Variants in OXNAD1 observed in about 807,000 individuals in gnomAD.
OXNAD1 encodes oxidoreductase NAD-binding domain-containing protein 1.
A neutral mutation model predicts 32.9 loss-of-function variants in OXNAD1; 34 were observed. That is an observed-to-expected ratio of 1.03 (90% CI 0.79 to 1.38). The LOEUF is 1.38. Ranked by LOEUF, OXNAD1 falls within the 40% of genes most tolerant of loss-of-function variation. The pLI is 0.00. For synonymous variants in OXNAD1, 134 were observed against 135.2 expected (o/e 0.99, Z 0.06); for missense variants, 407 against 379.4 (o/e 1.07, Z -0.60).
chr3:16,278,103 A>G (rs1324041931), intron 4 of OXNAD1, among the ~76,000 whole-genome samples: 1 of 152,152 alleles, frequency 6.6e-6, no homozygotes, highest in Non-Finnish European at 1.5e-5. Flanking sequence ...AGAATTTCTT[A>G]AATTACTAAT....
chr3:16,346,286 T>G lies in OXNAD1; in HGVS notation c.*31-2890T>G, dbSNP rs564860451. The G allele has an allele frequency of 5.9e-5, 9 of 152,364 alleles. No homozygotes were observed. The East Asian group carries it at 7.7e-4, about 13-fold the overall frequency. The allele number at this position is 152,364 out of a possible 1,614,324, so 9.4% of individuals were successfully genotyped here. A position where few individuals can be genotyped will look rare whatever the true frequency, so the allele number is the denominator to read the frequency against. ...ACAGTGGCTGACACACAGTAGGAAC[T>G]CAATATTTATTTGTTGGATAAATTT... On this transcript the variant is annotated intron_variant, in intron 9 of 9. Coordinates refer to the OXNAD1 transcript ENST00000606098. The surrounding 1 kb of genome is among the most constrained non-coding windows in gnomAD (Gnocchi z 4.4).
chr3:16,298,529 A>G lies in OXNAD1; in HGVS notation c.433-3097A>G, dbSNP rs115800901. Among the ~76,000 whole-genome samples, 230 of 152,254 alleles carry G rather than the reference A, an allele frequency of 1.5e-3. No individual in the cohort carries two copies. The highest frequency in any genetic ancestry group is 5.3e-3 in the African/African-American group (222 of 41,550). On this transcript the variant is annotated intron_variant, in intron 6 of 8. Coordinates refer to ENST00000285083, the MANE Select transcript of OXNAD1 (RefSeq NM_138381.5). The surrounding 1 kb of genome is among the most constrained non-coding windows in gnomAD (Gnocchi z 5.1). ...TCTACTCTGCCCAGTGGGAGTTGCA[A>G]ACAGCCTTTATGAAGTCAGATTTTT...
In OXNAD1 at chr3:16,302,012, C is replaced by A; in HGVS notation, c.675+144C>A. 2 of 1,047,030 alleles carry A rather than the reference C, an allele frequency of 1.9e-6. No homozygotes were observed. The highest frequency in any genetic ancestry group is 1.4e-6 in the Non-Finnish European group (1 of 739,114). 64.9% of individuals were successfully genotyped at this position (1,047,030 alleles called of 1,614,324 possible). A position where few individuals can be genotyped will look rare whatever the true frequency, so the allele number is the denominator to read the frequency against. ...TTAATCATGCTTAAATGAGAACTAA[C>A]CAACACACCTTACCCAAGACAAGTA... On this transcript the variant is annotated intron_variant, in intron 7 of 8. Transcript: ENST00000285083. This position sits in a 1 kb window ranked among gnomAD's most constrained non-coding sequence, Gnocchi z 4.2.
intron 9 of OXNAD1, among the ~76,000 whole-genome samples, chr3:16,325,742 G>A (rs1330869358): frequency 6.6e-6 from 1 of 152,194 alleles, no homozygotes; most frequent in Non-Finnish European, 1.5e-5. Context: ...GTGACCTAAT[G>A]TGGAATCTGA....
chr3:16,288,507 G>A lies in OXNAD1; in HGVS notation c.290+2059G>A, dbSNP rs1180630232. Reference sequence around the variant, plus strand: ...GTTGTCTGTGACTAGCTGGAGCTTTGGCCACAGATCCCCATGTAGACACCT... The same window carrying A: ...GTTGTCTGTGACTAGCTGGAGCTTTAGCCACAGATCCCCATGTAGACACCT... On this transcript the variant is annotated intron_variant, in intron 5 of 8. Coordinates refer to ENST00000285083, the MANE Select transcript of OXNAD1 (RefSeq NM_138381.5). This position sits in a 1 kb window ranked among gnomAD's most constrained non-coding sequence, Gnocchi z 5.1. Among the ~76,000 whole-genome samples the A allele has an allele frequency of 2.0e-5, 3 of 152,080 alleles. No individual in the cohort carries two copies. The highest frequency in any genetic ancestry group is 7.2e-5 in the African/African-American group (3 of 41,392).
intron 9 of OXNAD1, among the ~76,000 whole-genome samples, chr3:16,319,684 T>G (rs1332418275): frequency 3.3e-5 from 5 of 152,206 alleles, no homozygotes; most frequent in Non-Finnish European, 5.9e-5. Flanking sequence ...GAAGATCACA[T>G]CTTGTTGATC....
chr3:16,351,096 C>T (rs544363695), downstream of OXNAD1, among the ~76,000 whole-genome samples: 1 of 152,308 alleles, frequency 6.6e-6, no homozygotes, highest in Admixed American at 6.5e-5. This position sits in a 1 kb window ranked among gnomAD's most constrained non-coding sequence, Gnocchi z 5.4. Flanking sequence ...GACAGGGTTA[C>T]AGGCCAGAGT....
At chr3:16,347,193 G>GC (rs2071781164) in intron 9 of OXNAD1, among the ~76,000 whole-genome samples, 1 of 152,256 alleles carries the variant, frequency 6.6e-6, no homozygotes, top group South Asian at 2.1e-4. Context: ...CCAGGCCCTT[G>GC]CCTCACCCAC....
In OXNAD1 at chr3:16,345,920, T is replaced by A. The variant is rs1460364418; in HGVS notation, c.*31-3256T>A. On this transcript the variant is annotated intron_variant, in intron 9 of 9. Coordinates refer to the OXNAD1 transcript ENST00000606098. This position sits in a 1 kb window ranked among gnomAD's most constrained non-coding sequence, Gnocchi z 5.2. The stretch of plus-strand genomic sequence containing the variant: ...CCCTAATACACTTCTTTCTTGTTGT[T>A]CTGTGGCATACACTGAATATTTTAA... The A allele has an allele frequency of 1.3e-5, 2 of 152,136 alleles. No individual in the cohort carries two copies. The highest frequency in any genetic ancestry group is 2.4e-5 in the African/African-American group (1 of 41,426). 9.4% of individuals were successfully genotyped at this position (152,136 alleles called of 1,614,324 possible).
chr3:16,274,909 T>A (rs1559727665), intron 4 of OXNAD1, among the ~76,000 whole-genome samples: 1 of 152,264 alleles, frequency 6.6e-6, no homozygotes, highest in Non-Finnish European at 1.5e-5. Context: ...ATGAGCATTT[T>A]AAGAACAGGA....
chr3:16,324,770 T>A (rs2069528878), intron 9 of OXNAD1, among the ~76,000 whole-genome samples: 1 of 151,674 alleles, frequency 6.6e-6, no homozygotes. Flanking sequence ...TTGTGAATAA[T>A]GCTGCAAGGA....
rs2067156400 is a variant in OXNAD1, at chr3:16,301,174, TAC to T, written c.433-449_433-448del. ...AGGATCAAGAAGGAGCACCAGTACT[TAC>T]ACTTTTCAGCCTTGATGAACCCAGG... On this transcript the variant is annotated intron_variant, in intron 6 of 8. Transcript: ENST00000285083. This position sits in a 1 kb window ranked among gnomAD's most constrained non-coding sequence, Gnocchi z 4.1. 6.6e-6 allele frequency among the ~76,000 whole-genome samples: 1 copy of T among 152,214 alleles called. No homozygotes were observed. The highest frequency in any genetic ancestry group is 1.5e-5 in the Non-Finnish European group (1 of 68,038).
At chr3:16,326,764 T>TA in intron 9 of OXNAD1, 2 of 1,605,634 alleles carry the variant, frequency 1.2e-6, no homozygotes, top group Non-Finnish European at 1.7e-6. Context: ...TGATTACTGT[T>TA]ATTGTTACCT....
intron 4 of OXNAD1, among the ~76,000 whole-genome samples, chr3:16,282,357 C>A (rs1248530378): frequency 8.2e-6 from 1 of 122,122 alleles, no homozygotes; most frequent in African/African-American, 3.0e-5. Context: ...CTTCCCCTAT[C>A]CACCCAGCTT....
At chr3:16,330,010 A>G (rs2070148324) in intron 9 of OXNAD1, among the ~76,000 whole-genome samples, 1 of 152,112 alleles carries the variant, frequency 6.6e-6, no homozygotes. Context: ...GTTTTATTTC[A>G]TTTTGTCACT....
Position 16,297,781 on chromosome 3 carries a change from A to G in OXNAD1, c.432+2784A>G, listed in dbSNP as rs1178358536. Among the ~76,000 whole-genome samples the G allele has an allele frequency of 1.3e-5, 2 of 152,210 alleles. No individual in the cohort carries two copies. Among genetic ancestry groups the G allele is most frequent in the Non-Finnish European group, 2.9e-5 (2 of 68,038 alleles). ...CATTTTTGTCACATTCTGGAAGACA[A>G]AGATATAATGATGGGAAACCAGTGG... On this transcript the variant is annotated intron_variant, in intron 6 of 8. Coordinates refer to ENST00000285083, the MANE Select transcript of OXNAD1 (RefSeq NM_138381.5). The surrounding 1 kb of genome is among the most constrained non-coding windows in gnomAD (Gnocchi z 4.3).
In OXNAD1 at chr3:16,280,714, C is replaced by A. The variant is rs777833678; in HGVS notation, c.184-5628C>A. ...GCTAGCCAGGTTTCCAAAGAAATAC[C>A]TATTTCCTGTACAGAGACTTTTGCA... On this transcript the variant is annotated intron_variant, in intron 4 of 8. Transcript: ENST00000285083. This position sits in a 1 kb window ranked among gnomAD's most constrained non-coding sequence, Gnocchi z 4.5. Among the ~76,000 whole-genome samples the A allele has an allele frequency of 1.3e-5, 2 of 152,066 alleles. No individual in the cohort carries two copies. Among genetic ancestry groups the A allele is most frequent in the Non-Finnish European group, 2.9e-5 (2 of 68,002 alleles).
Position 16,271,090 on chromosome 3 carries a change from T to C in OXNAD1, c.119+19T>C. 4 of 1,611,562 alleles carry C rather than the reference T, an allele frequency of 2.5e-6. No individual in the cohort carries two copies. The highest frequency in any genetic ancestry group is 3.4e-6 in the Non-Finnish European group (4 of 1,178,796). On this transcript the variant is annotated intron_variant, in intron 3 of 8. Transcript: ENST00000285083. This position sits in a 1 kb window ranked among gnomAD's most constrained non-coding sequence, Gnocchi z 4.6. ...TAACCAGGTGAGTCATTAAGACTTC[T>C]GTGTCATTTGAAGTTAATTTTCAAA...
rs779324288 is a variant in OXNAD1 at position 16,282,037 on chromosome 3, ATTTTTTT to A, written c.184-4287_184-4281del. ...CCACCATGCCTAGCTAATGTTTGTA[ATTTTTTT>A]TTTTTTTTTTTTTTTTTGTAGAGAT... On this transcript the variant is annotated intron_variant, in intron 4 of 8. Coordinates refer to ENST00000285083, the MANE Select transcript of OXNAD1 (RefSeq NM_138381.5). Among the ~76,000 whole-genome samples, 156 of 95,706 alleles carry A rather than the reference ATTTTTTT, an allele frequency of 1.6e-3. 1 individual carries two copies. The South Asian group carries it at 0.022, about 13-fold the overall frequency. The allele number at this position is 95,706 out of a possible 152,430, so 62.8% of individuals were successfully genotyped here.
Sources: allele counts gnomAD v4.1 joint callset (sites outside exome capture counted in the v4.1 genomes callset), GRCh38; gene constraint gnomAD v4.1.1; non-coding constraint Gnocchi (gnomAD v3.1); transcripts MANE v1.5; gene names NCBI Gene and HGNC (gene_info 2026-07-23, HGNC 2026-07-21).